PRTFDC1: variants seen among roughly 807,000 people sequenced by gnomAD.
The protein encoded by PRTFDC1 is phosphoribosyl transferase domain containing 1.
In PRTFDC1, 38 loss-of-function variants were observed where a neutral mutation model predicts 34.6. The observed-to-expected ratio is 1.10, with a 90% CI of 0.85 to 1.44. PRTFDC1 has a LOEUF of 1.44. Ranked by LOEUF, PRTFDC1 falls within the 40% of genes most tolerant of loss-of-function variation. The pLI, the probability that PRTFDC1 is intolerant of heterozygous loss-of-function variation, is 0.00. For synonymous variants in PRTFDC1, 93 were observed against 98.1 expected (o/e 0.95, Z 0.31); for missense variants, 270 against 283.0 (o/e 0.95, Z 0.33).
intron 3 of PRTFDC1, among the ~76,000 whole-genome samples, chr10:24,885,579 T>A (rs1246883913): frequency 6.6e-6 from 1 of 152,196 alleles, no homozygotes; most frequent in Non-Finnish European, 1.5e-5. Context: ...CTAATTTTTT[T>A]ACTTTTGGTA....
chr10:24,884,915 A>G (rs1848139554), intron 3 of PRTFDC1, among the ~76,000 whole-genome samples: 1 of 152,066 alleles, frequency 6.6e-6, no homozygotes, highest in African/African-American at 2.4e-5. Flanking sequence ...GAGGAGAAGG[A>G]CCCAGGACTC....
intron 3 of PRTFDC1, among the ~76,000 whole-genome samples, chr10:24,874,726 G>A (rs527573686): frequency 1.3e-5 from 2 of 152,080 alleles, no homozygotes; most frequent in African/African-American, 4.8e-5. Flanking sequence ...GTGTACAAAC[G>A]TGTTTTTTTA....
intron 3 of PRTFDC1, among the ~76,000 whole-genome samples, chr10:24,886,812 T>TG (rs369603537): frequency 2.6e-5 from 4 of 152,174 alleles, no homozygotes; most frequent in African/African-American, 9.6e-5. Flanking sequence ...TCCCAGGTGA[T>TG]GGGGGTGCTG....
chr10:24,877,985 A>T (rs1847995756), intron 3 of PRTFDC1, among the ~76,000 whole-genome samples: 1 of 152,010 alleles, frequency 6.6e-6, no homozygotes, highest in Non-Finnish European at 1.5e-5. Flanking sequence ...AGTTTAAGAA[A>T]CTTTCCCAAA....
At position 24,849,020 on chromosome 10, in the gene PRTFDC1, A is replaced by G. The variant is rs1847436874; in HGVS notation, c.*824T>C. 6.6e-6 allele frequency: 1 copy of G among 152,212 alleles called. No individual in the cohort carries two copies. Among genetic ancestry groups the G allele is most frequent in the Non-Finnish European group, 1.5e-5 (1 of 68,038 alleles). The allele number at this position is 152,212 out of a possible 1,614,324, so 9.4% of individuals were successfully genotyped here. On this transcript the variant is annotated 3_prime_UTR_variant, in exon 9 of 9. Coordinates refer to ENST00000320152, the MANE Select transcript of PRTFDC1 (RefSeq NM_020200.7). Reference sequence around the variant, plus strand: ...TAAGAGGAAAAATTTATACTTGCTTAGTTTCGAGCATTGAAAGCACTCGCC... The same window carrying G: ...TAAGAGGAAAAATTTATACTTGCTTGGTTTCGAGCATTGAAAGCACTCGCC...
intron 4 of PRTFDC1, among the ~76,000 whole-genome samples, chr10:24,865,442 A>G (rs1847757978): frequency 6.6e-6 from 1 of 152,168 alleles, no homozygotes; most frequent in Non-Finnish European, 1.5e-5. Context: ...TGATCACTGC[A>G]TCTGAGATGT....
chr10:24,914,471 G>C (rs1848666858), intron 3 of PRTFDC1, among the ~76,000 whole-genome samples: 1 of 152,160 alleles, frequency 6.6e-6, no homozygotes, highest in African/African-American at 2.4e-5. Flanking sequence ...GAAGAAAGGT[G>C]AGCTTAAGGC....
intron 3 of PRTFDC1, among the ~76,000 whole-genome samples, chr10:24,894,806 C>T (rs1588598364): frequency 1.3e-5 from 2 of 152,182 alleles, no homozygotes; most frequent in South Asian, 2.1e-4. Flanking sequence ...ATCGAGGCTC[C>T]GCTCCTGTGG....
At chr10:24,896,881 C>A (rs1848374929) in intron 3 of PRTFDC1, among the ~76,000 whole-genome samples, 1 of 152,198 alleles carries the variant, frequency 6.6e-6, no homozygotes, top group Non-Finnish European at 1.5e-5. Flanking sequence ...TTAAGACCAG[C>A]CTGGACAACA....
At chr10:24,903,876 G>A (rs1848489507) in intron 3 of PRTFDC1, among the ~76,000 whole-genome samples, 1 of 151,228 alleles carries the variant, frequency 6.6e-6, no homozygotes. Flanking sequence ...AATTTATAGG[G>A]CTGGGTCTTG....
chr10:24,884,091 C>G lies in PRTFDC1; in HGVS notation c.340-12028G>C, dbSNP rs533505322. On this transcript the variant is annotated intron_variant, in intron 3 of 8. Coordinates refer to ENST00000320152, the MANE Select transcript of PRTFDC1 (RefSeq NM_020200.7). ...AGGTGATCCACCTGCCTCGGCCTCC[C>G]AAAGTGCTGGGATTTCAGGTGTGAG... Among the ~76,000 whole-genome samples, 85 of 151,438 alleles carry G rather than the reference C, an allele frequency of 5.6e-4. No homozygotes were observed. The South Asian group carries it at 5.6e-3, about 10-fold the overall frequency.
chr10:24,895,591 G>T (rs1323065924), intron 3 of PRTFDC1, among the ~76,000 whole-genome samples: 1 of 150,214 alleles, frequency 6.7e-6, no homozygotes, highest in East Asian at 2.0e-4. Flanking sequence ...GAGAATGTGG[G>T]GGGTGGTGCA....
intron 3 of PRTFDC1, among the ~76,000 whole-genome samples, chr10:24,874,412 A>G (rs538421629): frequency 2.0e-5 from 3 of 152,324 alleles, no homozygotes; most frequent in Admixed American, 1.3e-4. Flanking sequence ...TTAACACAGG[A>G]AGAATTTCTG....
intron 3 of PRTFDC1, among the ~76,000 whole-genome samples, chr10:24,888,965 T>C (rs1383813613): frequency 6.6e-6 from 1 of 152,146 alleles, no homozygotes; most frequent in Non-Finnish European, 1.5e-5. Context: ...ATTTACTTCA[T>C]CTGGAAAATG....
At chr10:24,915,357 A>G (rs1290820532) in intron 3 of PRTFDC1, among the ~76,000 whole-genome samples, 2 of 152,206 alleles carry the variant, frequency 1.3e-5, no homozygotes, top group African/African-American at 4.8e-5. Context: ...AATAAATAAC[A>G]GCTCCAAAAG....
intron 2 of PRTFDC1, among the ~76,000 whole-genome samples, chr10:24,939,558 C>T (rs1016008815): frequency 1.3e-5 from 2 of 151,544 alleles, no homozygotes; most frequent in African/African-American, 4.8e-5. Context: ...TTTGGGAGGC[C>T]AAGGCAGGCA....
At chr10:24,900,665 T>G (rs1460956907) in intron 3 of PRTFDC1, among the ~76,000 whole-genome samples, 1 of 152,220 alleles carries the variant, frequency 6.6e-6, no homozygotes, top group Admixed American at 6.5e-5. Context: ...TGAAAAAAAT[T>G]CATTGAATAA....
At chr10:24,873,969 G>A (rs1004532684) in intron 3 of PRTFDC1, among the ~76,000 whole-genome samples, 27 of 149,782 alleles carry the variant, frequency 1.8e-4, no homozygotes, top group Admixed American at 1.3e-3. Context: ...GAGCAGTGGT[G>A]CAATCATAGT....
intron 5 of PRTFDC1, 24 bp downstream of exon 5, chr10:24,858,368 A>G: frequency 1.2e-6 from 2 of 1,608,916 alleles, no homozygotes; most frequent in Non-Finnish European, 1.7e-6. Context: ...ACCTCCAAGT[A>G]TGGAAAAGGA....
Sources: gnomAD v4.1 joint callset for allele counts (sites outside exome capture counted in the v4.1 genomes callset) on GRCh38, gnomAD v4.1.1 for gene constraint, MANE v1.5 for transcripts, NCBI Gene and HGNC (gene_info 2026-07-23, HGNC 2026-07-21) for gene names.